The following CSMD1 variants were observed in gnomAD, a reference collection of about 807,000 sequenced individuals.
The protein encoded by CSMD1 is CUB and Sushi multiple domains 1.
A neutral mutation model predicts 417.5 loss-of-function variants in CSMD1; 213 were observed. The observed-to-expected ratio is 0.51, with a 90% confidence interval of 0.46 to 0.57. The LOEUF (loss-of-function observed/expected upper bound fraction) is 0.57. Among genes scored for constraint, CSMD1 ranks in the 20% least tolerant of loss-of-function variants. CSMD1 has a pLI of 0.00. For synonymous variants in CSMD1, 2,862 were observed against 1,736.8 expected, an observed-to-expected ratio of 1.65 and a Z score of -16.11; for missense variants, 6,923 against 4,529.7, an observed-to-expected ratio of 1.53 and a Z score of -15.17.
intron 7 of CSMD1, among the ~76,000 whole-genome samples, chr8:3,626,653 A>T (rs1055897822): frequency 6.6e-6 from 1 of 151,562 alleles, no homozygotes; most frequent in Non-Finnish European, 1.5e-5. Context: ...ATTATAGTTC[A>T]TTAGTGATTT....
chr8:4,587,279 T>C (rs1393026643), intron 2 of CSMD1, among the ~76,000 whole-genome samples: 1 of 152,136 alleles, frequency 6.6e-6, no homozygotes, highest in Non-Finnish European at 1.5e-5. Context: ...ATGCATAGTT[T>C]GAAGAGCTTA....
intron 6 of CSMD1, among the ~76,000 whole-genome samples, chr8:3,710,153 A>G (rs1255832142): frequency 6.6e-6 from 1 of 152,074 alleles, no homozygotes; most frequent in African/African-American, 2.4e-5. Context: ...TTTAGGCTAT[A>G]AGAGTTGTCT....
At chr8:3,218,910 A>G (rs1372001903) in intron 29 of CSMD1, among the ~76,000 whole-genome samples, 1 of 152,212 alleles carries the variant, frequency 6.6e-6, no homozygotes, top group Non-Finnish European at 1.5e-5. Context: ...TCATGTACTT[A>G]CATTTAATCA....
intron 6 of CSMD1, among the ~76,000 whole-genome samples, chr8:3,753,471 G>T (rs1455334898): frequency 6.6e-6 from 1 of 152,152 alleles, no homozygotes; most frequent in Non-Finnish European, 1.5e-5. Flanking sequence ...TTTCTTTTAA[G>T]ATTCATTGTG....
chr8:4,031,257 C>T (rs1403799907), intron 4 of CSMD1, among the ~76,000 whole-genome samples: 1 of 152,146 alleles, frequency 6.6e-6, no homozygotes, highest in Non-Finnish European at 1.5e-5. Flanking sequence ...AAAGACATAC[C>T]TGAGCCTGGG....
intron 7 of CSMD1, among the ~76,000 whole-genome samples, chr8:3,698,041 T>C (rs1237660581): frequency 1.4e-5 from 2 of 147,892 alleles, no homozygotes; most frequent in African/African-American, 5.2e-5. Context: ...TTTTAATAGA[T>C]CCTTTTTTTC....
intron 7 of CSMD1, among the ~76,000 whole-genome samples, chr8:3,635,435 G>C (rs1796987239): frequency 6.6e-6 from 1 of 151,400 alleles, no homozygotes; most frequent in African/African-American, 2.4e-5. Flanking sequence ...AGTGAGCCGA[G>C]AGTGCACCAC....
intron 1 of CSMD1, among the ~76,000 whole-genome samples, chr8:4,676,687 G>A (rs1054165447): frequency 6.6e-6 from 1 of 151,956 alleles, no homozygotes; most frequent in Non-Finnish European, 1.5e-5. Context: ...AGCCTATGTA[G>A]CGTATCAATG....
At chr8:3,440,559 G>C (rs1251483676) in intron 12 of CSMD1, among the ~76,000 whole-genome samples, 1 of 152,136 alleles carries the variant, frequency 6.6e-6, no homozygotes, top group Non-Finnish European at 1.5e-5. Flanking sequence ...AATTCTTTGG[G>C]AAATTCTATC....
chr8:4,523,751 T>C (rs1480480707), intron 2 of CSMD1, among the ~76,000 whole-genome samples: 1 of 152,168 alleles, frequency 6.6e-6, no homozygotes, highest in Non-Finnish European at 1.5e-5. Context: ...ATAAATAAAA[T>C]AATGCATATT....
intron 22 of CSMD1, among the ~76,000 whole-genome samples, chr8:3,344,775 G>C (rs528701584): frequency 6.6e-6 from 1 of 152,116 alleles, no homozygotes; most frequent in Admixed American, 6.6e-5. Context: ...GATGTACACA[G>C]ATATAGATAC....
intron 7 of CSMD1, among the ~76,000 whole-genome samples, chr8:3,646,835 G>A (rs950666299): frequency 3.9e-5 from 6 of 152,050 alleles, no homozygotes; most frequent in South Asian, 2.1e-4. Context: ...CCTCCCACCC[G>A]CTGGCTGCTT....
intron 1 of CSMD1, among the ~76,000 whole-genome samples, chr8:4,883,378 G>C (rs1182004757): frequency 6.6e-6 from 1 of 151,788 alleles, no homozygotes; most frequent in Admixed American, 6.6e-5. Context: ...TAAATAATAC[G>C]TTTCAGTGGT....
chr8:3,764,316 CT>C (rs529041734), intron 5 of CSMD1, among the ~76,000 whole-genome samples: 2 of 152,192 alleles, frequency 1.3e-5, no homozygotes, highest in Non-Finnish European at 2.9e-5. Context: ...TAGGGAAACT[CT>C]CCTGAGTGTA....
At chr8:4,668,261 C>G (rs1017367755) in intron 1 of CSMD1, among the ~76,000 whole-genome samples, 1 of 151,912 alleles carries the variant, frequency 6.6e-6, no homozygotes, top group Non-Finnish European at 1.5e-5. Context: ...ACCACAAACC[C>G]AAATCTCATC....
At chr8:3,991,640 C>G (rs79738037) in intron 5 of CSMD1, among the ~76,000 whole-genome samples, 3 of 152,202 alleles carry the variant, frequency 2.0e-5, no homozygotes, top group Admixed American at 2.0e-4. Context: ...GTGGAGGGCA[C>G]TTTCTTTGTA....
chr8:4,409,510 C>A (rs1796527747), intron 3 of CSMD1, among the ~76,000 whole-genome samples: 1 of 152,046 alleles, frequency 6.6e-6, no homozygotes, highest in Non-Finnish European at 1.5e-5. Flanking sequence ...AAAATGTAAC[C>A]CTAACCAAAA....
intron 5 of CSMD1, among the ~76,000 whole-genome samples, chr8:3,940,581 G>C (rs557337726): frequency 7.4e-5 from 11 of 149,002 alleles, no homozygotes; most frequent in Non-Finnish European, 1.2e-4. Flanking sequence ...AGGTATTCAA[G>C]AACAACAACA....
intron 5 of CSMD1, among the ~76,000 whole-genome samples, chr8:3,909,378 C>A (rs894919453): frequency 1.3e-5 from 2 of 152,080 alleles, no homozygotes; most frequent in Admixed American, 6.6e-5. Context: ...TCAGGAGGAA[C>A]CCAGACCAAA....
Sources: gnomAD v4.1 joint callset for allele counts (sites outside exome capture counted in the v4.1 genomes callset) on GRCh38, gnomAD v4.1.1 for gene constraint, MANE v1.5 for transcripts, NCBI Gene and HGNC (gene_info 2026-07-23, HGNC 2026-07-21) for gene names.